COL5A1: variants seen among roughly 807,000 people sequenced by gnomAD.
COL5A1 encodes the protein collagen type V alpha 1 chain.
COL5A1 carries 16 observed loss-of-function variants against 263.7 expected under a neutral mutation model. The ratio of observed to expected loss-of-function variants is 0.06; its 90% CI spans 0.04 to 0.09. COL5A1 has a LOEUF of 0.09. Ranked by LOEUF, COL5A1 falls within the 10% of genes least tolerant of loss-of-function variation. The pLI, the probability that COL5A1 is intolerant of heterozygous loss-of-function variation, is 1.00. For synonymous variants in COL5A1, 1,012 were observed against 1,004.5 expected (o/e 1.01, Z -0.14); for missense variants, 2,036 against 2,540.5 (o/e 0.80, Z 4.27).
intron 11 of COL5A1, among the ~76,000 whole-genome samples, chr9:134,746,143 C>T (rs1034211831): frequency 3.3e-5 from 5 of 152,196 alleles, no homozygotes; most frequent in East Asian, 1.9e-4. Context: ...CATGCACGTA[C>T]GTGTTCTGCA....
intron 11 of COL5A1, among the ~76,000 whole-genome samples, chr9:134,744,846 C>A (rs535687149): frequency 6.6e-6 from 1 of 151,984 alleles, no homozygotes; most frequent in South Asian, 2.1e-4. Context: ...CTCATCCATA[C>A]ACATGCACAC....
rs535805843 is a variant in COL5A1 at position 134,677,712 on chromosome 9, C to T, written c.110-13200C>T. Among the ~76,000 whole-genome samples the T allele has an allele frequency of 5.9e-5, 9 of 152,342 alleles. No individual in the cohort carries two copies. The highest frequency in any genetic ancestry group is 2.1e-4 in the South Asian group (1 of 4,826). On this transcript the variant is annotated intron_variant, in intron 1 of 65. Coordinates refer to ENST00000371817, the MANE Select transcript of COL5A1 (RefSeq NM_000093.5). This position sits in a 1 kb window ranked among gnomAD's most constrained non-coding sequence, Gnocchi z 4.4. ...TCCATCCCTCCATCCTTTCTCAGTCCGGCCATCTTACTCCCTGTTCCTCCT... is the reference window on the plus strand; with the variant it reads ...TCCATCCCTCCATCCTTTCTCAGTCTGGCCATCTTACTCCCTGTTCCTCCT...
intron 1 of COL5A1, among the ~76,000 whole-genome samples, chr9:134,657,831 CA>C (rs2132491414): frequency 6.6e-6 from 1 of 151,946 alleles, no homozygotes; most frequent in South Asian, 2.1e-4. Flanking sequence ...GGAGGGGGCA[CA>C]GAGTCAGTGG....
chr9:134,786,974 C>A (rs557903737), intron 31 of COL5A1, among the ~76,000 whole-genome samples: 1 of 152,176 alleles, frequency 6.6e-6, no homozygotes, highest in Non-Finnish European at 1.5e-5. Flanking sequence ...CTGTGGAATG[C>A]GAAGCCCCCT....
intron 4 of COL5A1, among the ~76,000 whole-genome samples, chr9:134,719,816 C>T (rs1359841551): frequency 2.0e-5 from 3 of 152,154 alleles, no homozygotes; most frequent in Non-Finnish European, 4.4e-5. Context: ...TGAAGAAGGT[C>T]GGAGGTGACA....
chr9:134,779,143 CG>C (rs1837163417), intron 27 of COL5A1, among the ~76,000 whole-genome samples: 1 of 152,270 alleles, frequency 6.6e-6, no homozygotes, highest in African/African-American at 2.4e-5. Context: ...CCTGGAATCC[CG>C]GTGCCGGGGG....
At chr9:134,801,208 G>A (rs1226511942) in intron 37 of COL5A1, among the ~76,000 whole-genome samples, 2 of 152,260 alleles carry the variant, frequency 1.3e-5, no homozygotes, top group East Asian at 1.9e-4. Context: ...CCAAGCTGCC[G>A]AGTTATGAAA....
rs370666409 is a variant in COL5A1, at chr9:134,822,718, G to GCCCCC, written c.4609-279_4609-278insCCCCC. Among the ~76,000 whole-genome samples the GCCCCC allele has an allele frequency of 1.9e-3, 267 of 142,948 alleles. 15 individuals are homozygous for GCCCCC. The highest frequency in any genetic ancestry group is 7.4e-3 in the African/African-American group (254 of 34,498). 93.8% of individuals were successfully genotyped at this position (142,948 alleles called of 152,430 possible). ...GAGCCAGGACATGCTCTTTTCCGCT[G>GCCCCC]CGCCCCCCCCGCGGCTGTCTGAGCT... On this transcript the variant is annotated intron_variant, in intron 59 of 65. Coordinates refer to ENST00000371817, the MANE Select transcript of COL5A1 (RefSeq NM_000093.5).
At chr9:134,833,852 G>A (rs1839746458) in intron 64 of COL5A1, among the ~76,000 whole-genome samples, 1 of 152,222 alleles carries the variant, frequency 6.6e-6, no homozygotes, top group Admixed American at 6.5e-5. Context: ...TGGTGTTGGA[G>A]CATGATGATA....
At chr9:134,685,433 T>TTCATCCACCATCCATCCA in intron 1 of COL5A1, among the ~76,000 whole-genome samples, 1 of 33,124 alleles carries the variant, frequency 3.0e-5, no homozygotes, top group Non-Finnish European at 5.7e-5. Context: ...CATCCATCCA[T>TTCATCCACCATCCATCCA]CCATCCATTG....
intron 31 of COL5A1, among the ~76,000 whole-genome samples, chr9:134,788,569 ATGGGTAGGTGGGTGGG>A (rs1208659654): frequency 2.1e-5 from 3 of 140,498 alleles, no homozygotes; most frequent in African/African-American, 2.7e-5. Flanking sequence ...GATGGAATGA[ATGGGTAGGTGGGTGGG>A]TGGGTAGGTG....
chr9:134,743,346 G>A (rs137913707), intron 11 of COL5A1, among the ~76,000 whole-genome samples: 82 of 152,298 alleles, frequency 5.4e-4, no homozygotes, highest in African/African-American at 1.8e-3. Flanking sequence ...ATTGACTCCC[G>A]AGAGCGCCAG....
intron 1 of COL5A1, among the ~76,000 whole-genome samples, chr9:134,662,142 C>CAA (rs34491867): frequency 0.17 from 20,789 of 120,802 alleles, 1,744 homozygotes; most frequent in Non-Finnish European, 0.22. Flanking sequence ...ATATCTTGGC[C>CAA]AAAAAAAAAA....
chr9:134,688,545 C>T (rs1833158581), intron 1 of COL5A1, among the ~76,000 whole-genome samples: 1 of 152,186 alleles, frequency 6.6e-6, no homozygotes, highest in Non-Finnish European at 1.5e-5. Flanking sequence ...TTTGCTGGGG[C>T]CAGGTGGGAG....
At position 134,817,793 on chromosome 9, in the gene COL5A1, G is replaced by T. The variant is rs759464073; in HGVS notation, c.4192G>T (p.Ala1398Ser). ...PPGKRGPPGPAGPEGRQGEKG... is the reference protein window; with the variant it reads ...PPGKRGPPGPSGPEGRQGEKG... ...CTTCTTTCAGGGTCCCCCAGGCCCC[G>T]CAGGCCCCGAAGGCAGACAGGGAGA... The change falls in exon 54 of 66, where the codon GCA (alanine) becomes TCA (serine). Residue 1398 changes from alanine to serine, a missense_variant. Physicochemically the swap from Ala to Ser is moderately conservative, Grantham distance 99 (BLOSUM62 1). This residue lies in a region of COL5A1 where 1,078 missense variants were observed against 1,521.4 expected (regional missense o/e 0.71). Transcript: ENST00000371817. 16 of 1,611,506 alleles carry T rather than the reference G, an allele frequency of 9.9e-6. No individual in the cohort carries two copies. Among genetic ancestry groups the T allele is most frequent in the Non-Finnish European group, 1.2e-5 (14 of 1,178,924 alleles).
At chr9:134,690,798 C>CCA in intron 1 of COL5A1, 114 bp from the exon 2 acceptor site, 3 of 1,315,786 alleles carry the variant, frequency 2.3e-6, no homozygotes, top group Non-Finnish European at 3.3e-6. Context: ...CTTCTGAGTG[C>CCA]CCAGGATTCA....
intron 1 of COL5A1, among the ~76,000 whole-genome samples, chr9:134,657,660 A>C (rs1832061717): frequency 7.7e-6 from 1 of 130,322 alleles, no homozygotes; most frequent in Non-Finnish European, 1.6e-5. Context: ...GTTTATAGAT[A>C]ATATGGGGGG....
chr9:134,740,304 T>G (rs1835257044), intron 11 of COL5A1, among the ~76,000 whole-genome samples: 1 of 152,216 alleles, frequency 6.6e-6, no homozygotes, highest in African/African-American at 2.4e-5. Context: ...GCTGGAGCTC[T>G]GTGCTGGGGG....
At position 134,701,186 on chromosome 9, in the gene COL5A1, T is replaced by C. The variant is rs370387892; in HGVS notation, c.507T>C (p.Ala169=). ...TTCTTTGCAGGTGGCACAGAATTGC[T>C]CTCAGCGTCCACAAGAAAAATGTCA... The part of the protein sequence containing the change: ...NLSDGKWHRI[A]LSVHKKNVTL... The change falls in exon 4 of 66, where the codon GCT becomes GCC. Residue 169 remains alanine, a synonymous_variant. Coordinates refer to ENST00000371817, the MANE Select transcript of COL5A1 (RefSeq NM_000093.5). 4 of 1,613,826 alleles carry C rather than the reference T, an allele frequency of 2.5e-6. No individual in the cohort carries two copies. Among genetic ancestry groups the C allele is most frequent in the Non-Finnish European group, 2.5e-6 (3 of 1,180,032 alleles).
Sources: gnomAD v4.1 joint callset for allele counts (sites outside exome capture counted in the v4.1 genomes callset) on GRCh38, gnomAD v4.1.1 for gene constraint, gnomAD v4.1.1 regional missense constraint, Gnocchi (gnomAD v3.1) non-coding constraint, MANE v1.5 for transcripts, NCBI Gene and HGNC (gene_info 2026-07-23, HGNC 2026-07-21) for gene names.